CACUL1: variants seen among roughly 807,000 people sequenced by gnomAD.
CACUL1 encodes CDK2 associated cullin domain 1, also known as CDK2-associated and cullin domain-containing protein 1.
In CACUL1, 13 loss-of-function variants were observed where a neutral mutation model predicts 45.2. That is an observed-to-expected ratio of 0.29 (90% CI 0.19 to 0.46). The LOEUF (loss-of-function observed/expected upper bound fraction) is 0.46. Among genes scored for constraint, CACUL1 ranks in the 20% least tolerant of loss-of-function variants. The probability of loss-of-function intolerance (pLI) is 1.00; values close to 1 mark genes in which losing one functional copy is unlikely to be tolerated. For missense variants in CACUL1, 421 were observed against 471.4 expected, an observed-to-expected ratio of 0.89 and a Z score of 0.99; for synonymous variants, 197 against 174.2, an observed-to-expected ratio of 1.13 and a Z score of -1.03.
chr10:118,745,069 A>G (rs10787859), intron 1 of CACUL1, among the ~76,000 whole-genome samples: 120,962 of 152,194 alleles, frequency 0.79, 48,174 homozygotes, highest in Admixed American at 0.83. Context: ...ATAAAGGACA[A>G]TAGTGGATAA....
intron 6 of CACUL1, among the ~76,000 whole-genome samples, chr10:118,691,866 C>CA (rs754241223): frequency 0.22 from 21,064 of 94,206 alleles, 2,970 homozygotes; most frequent in East Asian, 0.33. Context: ...GACTCCGTCT[C>CA]AAAAAAAAAA....
intron 1 of CACUL1, among the ~76,000 whole-genome samples, chr10:118,740,925 C>CAA (rs1413058257): frequency 8.3e-5 from 5 of 60,222 alleles, no homozygotes; most frequent in Non-Finnish European, 1.7e-4. Context: ...GATTCCATCT[C>CAA]AAAAAAAAAA....
chr10:118,707,985 T>TA (rs1444055830), intron 3 of CACUL1, among the ~76,000 whole-genome samples: 1 of 151,772 alleles, frequency 6.6e-6, no homozygotes, highest in African/African-American at 2.4e-5. Flanking sequence ...CTGTCTCTAC[T>TA]AAAAATACAA....
At chr10:118,714,988 T>C (rs1401833047) in intron 3 of CACUL1, among the ~76,000 whole-genome samples, 1 of 152,236 alleles carries the variant, frequency 6.6e-6, no homozygotes, top group Non-Finnish European at 1.5e-5. Flanking sequence ...TTGAATGTAC[T>C]ATTTATTTAA....
At chr10:118,735,055 A>C (rs147844992) in intron 1 of CACUL1, among the ~76,000 whole-genome samples, 1,547 of 152,350 alleles carry the variant, frequency 0.01, 21 homozygotes, top group South Asian at 0.019. Flanking sequence ...TGGAGAAGGA[A>C]TTCACTGCTA....
Position 118,680,610 on chromosome 10 carries a change from C to T in CACUL1, c.*5518G>A, listed in dbSNP as rs1361922508. ...TAAAAAAGCATAGTACCAATAAATGCAAAGAAAAAAACAACCTAAGTCCAA... is the reference window on the plus strand; with the variant it reads ...TAAAAAAGCATAGTACCAATAAATGTAAAGAAAAAAACAACCTAAGTCCAA... On this transcript the variant is annotated 3_prime_UTR_variant, in exon 9 of 9. Coordinates refer to ENST00000369151, the MANE Select transcript of CACUL1 (RefSeq NM_153810.5). 2.0e-5 allele frequency: 3 copies of T among 151,870 alleles called. No individual in the cohort carries two copies. The highest frequency in any genetic ancestry group is 2.9e-5 in the Non-Finnish European group (2 of 67,962). 9.4% of individuals were successfully genotyped at this position (151,870 alleles called of 1,614,324 possible).
At chr10:118,753,957 G>A (rs1202264450) in intron 1 of CACUL1, among the ~76,000 whole-genome samples, 2 of 152,180 alleles carry the variant, frequency 1.3e-5, no homozygotes, top group Admixed American at 6.5e-5. Flanking sequence ...AAGAACACAA[G>A]TTGCCAGATT....
intron 3 of CACUL1, among the ~76,000 whole-genome samples, chr10:118,710,579 G>T (rs1391590256): frequency 1.3e-5 from 2 of 152,078 alleles, no homozygotes; most frequent in Non-Finnish European, 2.9e-5. Context: ...CACTAAGCTG[G>T]CTAACTTCTC....
At chr10:118,713,172 G>T (rs575776825) in intron 3 of CACUL1, among the ~76,000 whole-genome samples, 1 of 152,256 alleles carries the variant, frequency 6.6e-6, no homozygotes, top group Non-Finnish European at 1.5e-5. Context: ...CCCTCAGCGT[G>T]TGCACAGCTG....
At chr10:118,691,725 G>A (rs562999398) in intron 6 of CACUL1, among the ~76,000 whole-genome samples, 2 of 152,122 alleles carry the variant, frequency 1.3e-5, no homozygotes, top group African/African-American at 4.8e-5. Flanking sequence ...AAATTAGCCA[G>A]ACACGGTGGC....
At chr10:118,734,387 TTAAC>T (rs1398223497) in intron 1 of CACUL1, among the ~76,000 whole-genome samples, 1 of 152,188 alleles carries the variant, frequency 6.6e-6, no homozygotes, top group Non-Finnish European at 1.5e-5. Context: ...TTTTAGATAA[TTAAC>T]TAAATTCCTT....
intron 4 of CACUL1, among the ~76,000 whole-genome samples, chr10:118,703,167 G>A (rs1011124573): frequency 6.6e-6 from 1 of 152,032 alleles, no homozygotes; most frequent in Admixed American, 6.6e-5. Flanking sequence ...AAAACAGAAA[G>A]CATGCAAAAG....
chr10:118,719,508 C>T (rs1052967378), intron 3 of CACUL1, among the ~76,000 whole-genome samples: 2 of 152,176 alleles, frequency 1.3e-5, no homozygotes, highest in South Asian at 2.1e-4. Context: ...GACAAAGACG[C>T]TTCATAAAAA....
chr10:118,739,088 C>A (rs11597914), intron 1 of CACUL1, among the ~76,000 whole-genome samples: 2 of 150,952 alleles, frequency 1.3e-5, no homozygotes, highest in East Asian at 3.9e-4. Flanking sequence ...CCCAGCTACT[C>A]GGGAGGCTGA....
At chr10:118,702,412 A>C (rs774176454) in intron 4 of CACUL1, among the ~76,000 whole-genome samples, 11 of 152,146 alleles carry the variant, frequency 7.2e-5, no homozygotes, top group Non-Finnish European at 1.3e-4. Flanking sequence ...GTCCTTAGTA[A>C]TACTATTGAA....
At chr10:118,750,890 A>G (rs1013873366) in intron 1 of CACUL1, among the ~76,000 whole-genome samples, 15 of 152,226 alleles carry the variant, frequency 9.9e-5, no homozygotes, top group Admixed American at 5.9e-4. Context: ...GGTATATGGG[A>G]TATTTTGATA....
At chr10:118,740,935 A>C (rs1845786834) in intron 1 of CACUL1, among the ~76,000 whole-genome samples, 1 of 152,096 alleles carries the variant, frequency 6.6e-6, no homozygotes, top group Non-Finnish European at 1.5e-5. Flanking sequence ...CAAAAAAAAA[A>C]AAAACAAACA....
rs1163433735 is a variant in CACUL1, at chr10:118,685,109, ATGAAG to A, written c.*1014_*1018del. The A allele has an allele frequency of 6.6e-6, 1 of 152,328 alleles. No individual in the cohort carries two copies. Among genetic ancestry groups the A allele is most frequent in the South Asian group, 2.1e-4 (1 of 4,828 alleles). The allele number at this position is 152,328 out of a possible 1,614,324, so 9.4% of individuals were successfully genotyped here. ...TAAGTAATTATCTCATTCATTTAAA[ATGAAG>A]TGATCAGGAACCCCACACCACTGTG... On this transcript the variant is annotated 3_prime_UTR_variant, in exon 9 of 9. Coordinates refer to ENST00000369151, the MANE Select transcript of CACUL1 (RefSeq NM_153810.5).
chr10:118,753,611 C>T (rs2119693284), intron 1 of CACUL1, among the ~76,000 whole-genome samples: 1 of 152,312 alleles, frequency 6.6e-6, no homozygotes, highest in East Asian at 1.9e-4. Context: ...GAGGCAGTTT[C>T]GGATTACAAA....
Sources: allele counts gnomAD v4.1 joint callset (sites outside exome capture counted in the v4.1 genomes callset), GRCh38; gene constraint gnomAD v4.1.1; transcripts MANE v1.5; gene names NCBI Gene and HGNC (gene_info 2026-07-23, HGNC 2026-07-21).